ERP44: variants seen among roughly 807,000 people sequenced by gnomAD.
The protein encoded by ERP44 is endoplasmic reticulum protein 44, also known as endoplasmic reticulum resident protein 44.
In ERP44, 25 loss-of-function variants were observed where a neutral mutation model predicts 53.4. The observed-to-expected ratio is 0.47, with a 90% CI of 0.34 to 0.65. The LOEUF (loss-of-function observed/expected upper bound fraction) is 0.65, where lower values mean the gene tolerates loss of function less well. ERP44 is among the 30% of genes least tolerant of loss of function. The pLI, the probability that ERP44 is intolerant of heterozygous loss-of-function variation, is 0.01. For synonymous variants in ERP44, 145 were observed against 161.2 expected, an observed-to-expected ratio of 0.90 and a Z score of 0.76; for missense variants, 338 against 493.2, an observed-to-expected ratio of 0.69 and a Z score of 2.98.
chr9:100,080,237 C>T (rs762384094), intron 1 of ERP44, among the ~76,000 whole-genome samples: 1 of 152,178 alleles, frequency 6.6e-6, no homozygotes, highest in Non-Finnish European at 1.5e-5. Context: ...CAATTGAACG[C>T]TTGCTATGAC....
intron 1 of ERP44, among the ~76,000 whole-genome samples, chr9:100,088,595 CTG>C (rs1431599074): frequency 6.6e-6 from 1 of 152,228 alleles, no homozygotes; most frequent in Non-Finnish European, 1.5e-5. Flanking sequence ...GTACAACAAA[CTG>C]AGATCTAAGA....
chr9:100,019,063 A>G (rs1830556087), intron 6 of ERP44, among the ~76,000 whole-genome samples: 2 of 152,250 alleles, frequency 1.3e-5, no homozygotes, highest in African/African-American at 4.8e-5. Context: ...ACAAGTAGAT[A>G]TATTTATCTT....
intron 4 of ERP44, among the ~76,000 whole-genome samples, chr9:100,051,584 A>C (rs1261721175): frequency 6.6e-6 from 1 of 152,186 alleles, no homozygotes; most frequent in Non-Finnish European, 1.5e-5. Context: ...CTTAAAAGTG[A>C]GCATTAAAAA....
At chr9:99,995,450 A>G (rs1830301203) in intron 10 of ERP44, among the ~76,000 whole-genome samples, 1 of 152,208 alleles carries the variant, frequency 6.6e-6, no homozygotes, top group Non-Finnish European at 1.5e-5. Flanking sequence ...ATCATTAGAT[A>G]TGACATTAGC....
chr9:100,090,813 C>T (rs1826546500), intron 1 of ERP44, among the ~76,000 whole-genome samples: 1 of 151,844 alleles, frequency 6.6e-6, no homozygotes, highest in Admixed American at 6.6e-5. Flanking sequence ...TGCGTACTGT[C>T]TATAGGACAA....
At chr9:100,094,964 T>C (rs1306633450) in intron 1 of ERP44, among the ~76,000 whole-genome samples, 1 of 143,130 alleles carries the variant, frequency 7.0e-6, no homozygotes, top group Non-Finnish European at 1.5e-5. Flanking sequence ...AGAGCTAGAC[T>C]CTGCCTCAAG....
chr9:100,077,513 C>G (rs1024930749), intron 1 of ERP44, among the ~76,000 whole-genome samples: 1 of 152,188 alleles, frequency 6.6e-6, no homozygotes, highest in Admixed American at 6.5e-5. Flanking sequence ...ATTCATGGAT[C>G]CAGTAATCAA....
intron 1 of ERP44, among the ~76,000 whole-genome samples, chr9:100,086,114 T>C (rs1428820078): frequency 6.6e-6 from 1 of 152,204 alleles, no homozygotes; most frequent in African/African-American, 2.4e-5. Context: ...ATGTTCAAGG[T>C]AATAGAAACG....
chr9:100,088,745 G>A (rs1198260654), intron 1 of ERP44, among the ~76,000 whole-genome samples: 3 of 152,146 alleles, frequency 2.0e-5, no homozygotes, highest in African/African-American at 7.2e-5. Context: ...GAGATGTTAA[G>A]AAGAAAGAAG....
chr9:100,095,193 C>A (rs1248939818), intron 1 of ERP44, among the ~76,000 whole-genome samples: 3 of 151,790 alleles, frequency 2.0e-5, no homozygotes, highest in Non-Finnish European at 2.9e-5. Context: ...GTGGTTAGGA[C>A]CACATAAATT....
chr9:100,059,965 T>C, intron 2 of ERP44, 135 bp downstream of exon 2: 1 of 729,406 alleles, frequency 1.4e-6, no homozygotes, highest in Non-Finnish European at 1.9e-6. Flanking sequence ...ATTCAGAAAG[T>C]CATGGAATTA....
intron 1 of ERP44, among the ~76,000 whole-genome samples, chr9:100,090,520 A>G (rs1293727625): frequency 1.3e-5 from 2 of 152,096 alleles, no homozygotes; most frequent in Non-Finnish European, 2.9e-5. Context: ...AGGCTGAGGT[A>G]GGTGGATCAC....
chr9:99,998,394 AC>A, intron 10 of ERP44: 2 of 629,096 alleles, frequency 3.2e-6, no homozygotes, highest in Admixed American at 2.6e-5. Flanking sequence ...CCCGGATCAT[AC>A]AGCTGCAAGG....
intron 11 of ERP44, among the ~76,000 whole-genome samples, chr9:99,983,046 G>A (rs929134222): frequency 1.3e-5 from 2 of 152,082 alleles, no homozygotes; most frequent in Admixed American, 6.6e-5. Flanking sequence ...CCCTAGGTTG[G>A]CCCAAACCCT....
chr9:99,993,047 G>A (rs145199887), intron 10 of ERP44, among the ~76,000 whole-genome samples: 12 of 152,100 alleles, frequency 7.9e-5, no homozygotes, highest in Non-Finnish European at 1.3e-4. Context: ...TTCCATGCTC[G>A]TGGATAGGAA....
At chr9:100,043,616 G>A (rs917123534) in intron 4 of ERP44, among the ~76,000 whole-genome samples, 8 of 151,922 alleles carry the variant, frequency 5.3e-5, no homozygotes, top group Admixed American at 1.3e-4. Flanking sequence ...TTAGCTGGCC[G>A]TGGTGGCGCA....
At chr9:99,991,095 TAGAC>T (rs1445692226) in intron 10 of ERP44, among the ~76,000 whole-genome samples, 24 of 152,246 alleles carry the variant, frequency 1.6e-4, no homozygotes, top group Middle Eastern at 3.4e-3. Flanking sequence ...CTGTCAATAT[TAGAC>T]AGATCAATGA....
intron 9 of ERP44, among the ~76,000 whole-genome samples, chr9:100,007,086 G>A (rs1232253808): frequency 6.6e-6 from 1 of 152,214 alleles, no homozygotes; most frequent in Non-Finnish European, 1.5e-5. Context: ...CAGCTCTATA[G>A]AGTACCTTTA....
chr9:100,015,691 TC>T (rs1005068166), intron 8 of ERP44, among the ~76,000 whole-genome samples: 37 of 152,190 alleles, frequency 2.4e-4, no homozygotes, highest in Non-Finnish European at 4.6e-4. Flanking sequence ...AAAGCAGCAG[TC>T]CCCCACCTTT....
Sources: allele counts gnomAD v4.1 joint callset (sites outside exome capture counted in the v4.1 genomes callset), GRCh38; gene constraint gnomAD v4.1.1; transcripts MANE v1.5; gene names NCBI Gene and HGNC (gene_info 2026-07-23, HGNC 2026-07-21).